Variants in EYA1 observed in about 807,000 individuals in gnomAD.
EYA1 encodes the protein EYA transcriptional coactivator and phosphatase 1, also known as protein phosphatase EYA1.
EYA1 carries 16 observed loss-of-function variants against 82.0 expected under a neutral mutation model. That is an observed-to-expected ratio of 0.20 (90% CI 0.13 to 0.30). EYA1 has a LOEUF of 0.30. Among genes scored for constraint, EYA1 ranks in the 10% least tolerant of loss-of-function variants. EYA1 has a pLI of 1.00. For missense variants in EYA1, 633 were observed against 730.7 expected (o/e 0.87, Z 1.54); for synonymous variants, 261 against 264.4 (o/e 0.99, Z 0.12).
intron 11 of EYA1, among the ~76,000 whole-genome samples, chr8:71,245,947 C>T (rs1813038729): frequency 6.6e-6 from 1 of 152,150 alleles, no homozygotes; most frequent in South Asian, 2.1e-4. Context: ...GAGTAGTCAG[C>T]CTCTCCCTAC....
intron 2 of EYA1, among the ~76,000 whole-genome samples, chr8:71,517,540 G>A (rs1464991491): frequency 6.6e-6 from 1 of 151,558 alleles, no homozygotes; most frequent in South Asian, 2.1e-4. Context: ...CATTAACACA[G>A]TTTCAAAGAA....
At chr8:71,204,489 C>T (rs10957540) in intron 17 of EYA1, among the ~76,000 whole-genome samples, 30,812 of 152,150 alleles carry the variant, frequency 0.2, 3,244 homozygotes, top group African/African-American at 0.25. Context: ...GCATGAACTG[C>T]AGAACTGTTT....
At chr8:71,226,021 T>C (rs1270189525) in intron 12 of EYA1, among the ~76,000 whole-genome samples, 1 of 152,182 alleles carries the variant, frequency 6.6e-6, no homozygotes, top group Non-Finnish European at 1.5e-5. Flanking sequence ...ATTCATAAAA[T>C]ATTTAGAGAA....
At chr8:71,502,175 T>G (rs1298346478) in intron 2 of EYA1, among the ~76,000 whole-genome samples, 1 of 152,228 alleles carries the variant, frequency 6.6e-6, no homozygotes, top group Non-Finnish European at 1.5e-5. Flanking sequence ...AGATCACTTC[T>G]CTTCCCTCTG....
intron 11 of EYA1, among the ~76,000 whole-genome samples, chr8:71,244,967 C>T (rs1465238655): frequency 6.6e-6 from 1 of 152,158 alleles, no homozygotes; most frequent in Non-Finnish European, 1.5e-5. Context: ...TCTAGGGTTA[C>T]TTAGACATAT....
chr8:71,288,954 T>C (rs541787838), intron 9 of EYA1, among the ~76,000 whole-genome samples: 1 of 152,340 alleles, frequency 6.6e-6, no homozygotes, highest in African/African-American at 2.4e-5. Flanking sequence ...TAGAAGGTGA[T>C]GGTATTGGAT....
At chr8:71,342,601 G>A (rs1226043503) in intron 3 of EYA1, among the ~76,000 whole-genome samples, 1 of 152,108 alleles carries the variant, frequency 6.6e-6, no homozygotes, top group Non-Finnish European at 1.5e-5. Flanking sequence ...AGAACCCAAA[G>A]TGTATGACAA....
chr8:71,330,062 G>A (rs1325058864), intron 4 of EYA1, among the ~76,000 whole-genome samples: 2 of 152,160 alleles, frequency 1.3e-5, no homozygotes, highest in Non-Finnish European at 2.9e-5. Flanking sequence ...TCTACCACAT[G>A]GGAGGAAGAA....
chr8:71,420,324 A>T (rs1831079155), intron 2 of EYA1, among the ~76,000 whole-genome samples: 1 of 152,220 alleles, frequency 6.6e-6, no homozygotes, highest in Non-Finnish European at 1.5e-5. Flanking sequence ...GAAAGGACAG[A>T]TCAATGATAA....
chr8:71,200,997 G>T (rs555691993), intron 17 of EYA1, among the ~76,000 whole-genome samples: 1 of 143,928 alleles, frequency 6.9e-6, no homozygotes, highest in African/African-American at 2.6e-5. Flanking sequence ...AAATAATGGA[G>T]AAATTCATTG....
At chr8:71,476,395 A>AT (rs1809666033) in intron 2 of EYA1, among the ~76,000 whole-genome samples, 5 of 152,126 alleles carry the variant, frequency 3.3e-5, no homozygotes, top group Non-Finnish European at 7.4e-5. Flanking sequence ...TTTATTTCTC[A>AT]AAAGTGCTTG....
At chr8:71,353,333 C>G (rs1393267967) in intron 3 of EYA1, among the ~76,000 whole-genome samples, 1 of 152,210 alleles carries the variant, frequency 6.6e-6, no homozygotes, top group Non-Finnish European at 1.5e-5. Context: ...GGACTGCTTG[C>G]TTTAATTTTA....
At chr8:71,482,116 A>T (rs553894511) in intron 2 of EYA1, among the ~76,000 whole-genome samples, 1 of 152,328 alleles carries the variant, frequency 6.6e-6, no homozygotes, top group African/African-American at 2.4e-5. Context: ...AGCAAGTTAC[A>T]GATGAGGAGA....
At chr8:71,297,407 T>C (rs1819709218) in intron 9 of EYA1, among the ~76,000 whole-genome samples, 1 of 152,096 alleles carries the variant, frequency 6.6e-6, no homozygotes, top group Non-Finnish European at 1.5e-5. Flanking sequence ...AGAAACACAA[T>C]TAAGTCTTCA....
chr8:71,271,988 T>G, intron 9 of EYA1, 91 bp from the exon 10 acceptor site: 1 of 1,341,690 alleles, frequency 7.5e-7, no homozygotes, highest in Non-Finnish European at 1.1e-6. Flanking sequence ...GGAGTTTCAA[T>G]AGTAAAGCAC....
chr8:71,401,779 CTTG>C (rs1305045410), intron 2 of EYA1, among the ~76,000 whole-genome samples: 5 of 152,208 alleles, frequency 3.3e-5, no homozygotes, highest in Admixed American at 1.3e-4. Flanking sequence ...TCGATAAATC[CTTG>C]TTGTTCTTGT....
intron 9 of EYA1, among the ~76,000 whole-genome samples, chr8:71,279,383 C>T (rs1432313448): frequency 6.6e-6 from 1 of 152,130 alleles, no homozygotes; most frequent in Non-Finnish European, 1.5e-5. Context: ...ATGCAAAAGT[C>T]ATCTTAATAG....
intron 2 of EYA1, among the ~76,000 whole-genome samples, chr8:71,415,634 A>G (rs184911492): frequency 1.3e-5 from 2 of 152,268 alleles, no homozygotes; most frequent in East Asian, 3.9e-4. Context: ...CCTCTTATCA[A>G]AGTTCTACCT....
intron 2 of EYA1, among the ~76,000 whole-genome samples, chr8:71,376,376 T>C (rs1162638439): frequency 6.6e-6 from 1 of 152,174 alleles, no homozygotes; most frequent in Non-Finnish European, 1.5e-5. Flanking sequence ...GATTTTATTC[T>C]GGTTGTAATG....
Sources: gnomAD v4.1 joint callset for allele counts (sites outside exome capture counted in the v4.1 genomes callset) on GRCh38, gnomAD v4.1.1 for gene constraint, MANE v1.5 for transcripts, NCBI Gene and HGNC (gene_info 2026-07-23, HGNC 2026-07-21) for gene names.